ARHGEF3: variants seen among roughly 807,000 people sequenced by gnomAD.
ARHGEF3 encodes the protein 59.8 kDA protein.
Under a neutral mutation model 63.2 loss-of-function variants are expected in ARHGEF3, and 28 were observed. The observed-to-expected ratio is 0.44, with a 90% CI of 0.33 to 0.61. ARHGEF3 has a LOEUF of 0.61. Among genes scored for constraint, ARHGEF3 ranks in the 20% least tolerant of loss-of-function variants. ARHGEF3 has a pLI of 0.03. For missense variants in ARHGEF3, 533 were observed against 659.3 expected, an observed-to-expected ratio of 0.81 and a Z score of 2.10; for synonymous variants, 266 against 254.2, an observed-to-expected ratio of 1.05 and a Z score of -0.44.
At chr3:56,980,904 A>G (rs1485123057) in intron 2 of ARHGEF3, among the ~76,000 whole-genome samples, 1 of 152,152 alleles carries the variant, frequency 6.6e-6, no homozygotes, top group Non-Finnish European at 1.5e-5. Context: ...CAATATCCAC[A>G]TGGCCTGTGG....
intron 1 of ARHGEF3, among the ~76,000 whole-genome samples, chr3:57,036,094 T>C (rs1360863131): frequency 6.6e-6 from 1 of 152,136 alleles, no homozygotes; most frequent in Non-Finnish European, 1.5e-5. Flanking sequence ...AAACTCTTTT[T>C]GGACACAATT....
rs544108162 is a variant in ARHGEF3, at chr3:57,059,033, C to A, written c.-28+20193G>T. ...GGGAGGGATAGCATTAGGAGATATA[C>A]CTAATGTAAATGATGAGTTAATGGG... On this transcript the variant is annotated intron_variant, in intron 1 of 12. Coordinates refer to the ARHGEF3 transcript ENST00000338458. Among the ~76,000 whole-genome samples, 7 of 150,302 alleles carry A rather than the reference C, an allele frequency of 4.7e-5. No homozygotes were observed. In the East Asian group the frequency reaches 1.0e-3, roughly 21 times the overall value.
At chr3:56,994,082 A>AAAAAAAAAAAAAAAAAAAAC (rs1433202567) in intron 2 of ARHGEF3, among the ~76,000 whole-genome samples, 3 of 144,242 alleles carry the variant, frequency 2.1e-5, no homozygotes, top group Admixed American at 7.0e-5. Context: ...AAAAAAAAAA[A>AAAAAAAAAAAAAAAAAAAAC]AAAGCACACT....
chr3:57,005,279 G>A (rs1371005435), intron 2 of ARHGEF3, among the ~76,000 whole-genome samples: 1 of 152,102 alleles, frequency 6.6e-6, no homozygotes, highest in African/African-American at 2.4e-5. Flanking sequence ...CTACATCCTA[G>A]GTACTAACAT....
intron 3 of ARHGEF3, among the ~76,000 whole-genome samples, chr3:56,929,174 G>C (rs568010227): frequency 6.6e-6 from 1 of 152,244 alleles, no homozygotes; most frequent in East Asian, 1.9e-4. Flanking sequence ...GTGAGAGTGG[G>C]GGATACCAGA....
intron 4 of ARHGEF3, among the ~76,000 whole-genome samples, chr3:56,852,565 T>C (rs1302166006): frequency 1.3e-5 from 2 of 152,158 alleles, no homozygotes; most frequent in Admixed American, 1.3e-4. Context: ...AATTCTCTAA[T>C]GCGTCAGCAG....
rs1560094894 is a variant in ARHGEF3, at chr3:56,968,340, T to TAA, written c.63-9453_63-9452dup. On this transcript the variant is annotated intron_variant, in intron 2 of 12. Transcript: ENST00000338458. ...ATATATTTTATATATATATAATATA[T>TAA]AATATATATATTTTTTGAGACATGG... Among the ~76,000 whole-genome samples the TAA allele has an allele frequency of 7.1e-4, 73 of 102,730 alleles. 4 individuals carry two copies. The highest frequency in any genetic ancestry group is 2.6e-3 in the African/African-American group (71 of 27,686). 67.4% of individuals were successfully genotyped at this position (102,730 alleles called of 152,430 possible).
At chr3:56,792,033 G>T (rs1325444269) in intron 1 of ARHGEF3, among the ~76,000 whole-genome samples, 1 of 150,086 alleles carries the variant, frequency 6.7e-6, no homozygotes, top group Admixed American at 6.7e-5. Context: ...TTGAACCCAG[G>T]AGGCAGAGGT....
At chr3:56,921,067 A>AAAAAAAAC in intron 3 of ARHGEF3, among the ~76,000 whole-genome samples, 1 of 150,938 alleles carries the variant, frequency 6.6e-6, no homozygotes, top group Admixed American at 6.6e-5. Context: ...AAAAAAAAAA[A>AAAAAAAAC]AAAAAAAAAA....
intron 3 of ARHGEF3, among the ~76,000 whole-genome samples, chr3:56,912,483 A>G (rs910748305): frequency 2.0e-5 from 3 of 152,186 alleles, no homozygotes; most frequent in Non-Finnish European, 4.4e-5. Flanking sequence ...CTGGGTTTGA[A>G]ACCTGATCCA....
intron 2 of ARHGEF3, among the ~76,000 whole-genome samples, chr3:57,016,539 C>G (rs1703012127): frequency 6.6e-6 from 1 of 152,014 alleles, no homozygotes; most frequent in Admixed American, 6.6e-5. Context: ...CAGAGCGAAA[C>G]TCCGTCTCAA....
At chr3:56,857,901 G>A (rs2039940095) in intron 4 of ARHGEF3, among the ~76,000 whole-genome samples, 2 of 152,108 alleles carry the variant, frequency 1.3e-5, no homozygotes, top group Admixed American at 6.6e-5. Context: ...GACTATAGAT[G>A]CAAGCCACTG....
At chr3:56,789,801 T>C (rs1201611181) in intron 1 of ARHGEF3, among the ~76,000 whole-genome samples, 2 of 152,186 alleles carry the variant, frequency 1.3e-5, no homozygotes, top group Admixed American at 1.3e-4. Context: ...CACTATCACC[T>C]GCCATAAACA....
intron 2 of ARHGEF3, among the ~76,000 whole-genome samples, chr3:56,968,262 AATATATAATATATAAAATATATATAAT>A (rs1560094478): frequency 2.7e-5 from 1 of 37,448 alleles, no homozygotes; most frequent in African/African-American, 8.1e-5. Context: ...ATAATATTTA[AATATATAATATATAAAATATATATAAT>A]ATATATAATA....
intron 3 of ARHGEF3, among the ~76,000 whole-genome samples, chr3:56,931,344 G>A (rs1204509908): frequency 6.6e-6 from 1 of 152,060 alleles, no homozygotes; most frequent in Non-Finnish European, 1.5e-5. Context: ...GGGAGGCCGA[G>A]ACAGGCAGAT....
At chr3:56,974,948 T>A (rs548002507) in intron 2 of ARHGEF3, among the ~76,000 whole-genome samples, 13 of 152,276 alleles carry the variant, frequency 8.5e-5, no homozygotes, top group Non-Finnish European at 1.6e-4. Context: ...GCACCGACAC[T>A]GAGGGCCCCT....
chr3:56,836,931 C>T (rs2039132363), intron 4 of ARHGEF3, among the ~76,000 whole-genome samples: 1 of 151,656 alleles, frequency 6.6e-6, no homozygotes, highest in South Asian at 2.1e-4. Flanking sequence ...TGTCTCAAAA[C>T]AAAACAAAAA....
intron 4 of ARHGEF3, among the ~76,000 whole-genome samples, chr3:56,846,162 C>T (rs2039482231): frequency 6.6e-6 from 1 of 152,146 alleles, no homozygotes; most frequent in Admixed American, 6.5e-5. Context: ...TCTAAAATTC[C>T]CATTTGGGTC....
Position 56,929,215 on chromosome 3 carries a change from T to G in ARHGEF3, c.129+29608A>C, listed in dbSNP as rs142993632. 4.4e-3 allele frequency among the ~76,000 whole-genome samples: 667 copies of G among 152,278 alleles called. 6 individuals carry two copies. Among genetic ancestry groups the G allele is most frequent in the African/African-American group, 0.015 (640 of 41,556 alleles). On this transcript the variant is annotated intron_variant, in intron 3 of 12. Transcript: ENST00000338458. Reference sequence around the variant, plus strand: ...TAACCCTGACTGTGGCCTCTTCTACTCATTCTGAACTACAGAAGGATTTGC... The same window carrying G: ...TAACCCTGACTGTGGCCTCTTCTACGCATTCTGAACTACAGAAGGATTTGC...
Sources: gnomAD v4.1 joint callset for allele counts (sites outside exome capture counted in the v4.1 genomes callset) on GRCh38, gnomAD v4.1.1 for gene constraint, MANE v1.5 for transcripts, NCBI Gene and HGNC (gene_info 2026-07-23, HGNC 2026-07-21) for gene names.